Variants in FBXL5 observed in about 807,000 individuals in gnomAD.
FBXL5 encodes the protein F-box and leucine rich repeat protein 5.
In FBXL5, 26 loss-of-function variants were observed where a neutral mutation model predicts 78.3. That is an observed-to-expected ratio of 0.33 (90% CI 0.24 to 0.46). FBXL5 has a LOEUF of 0.46. Among genes scored for constraint, FBXL5 ranks in the 20% least tolerant of loss-of-function variants. The pLI is 1.00. For synonymous variants in FBXL5, 295 were observed against 282.5 expected, an observed-to-expected ratio of 1.04 and a Z score of -0.45; for missense variants, 710 against 829.2, an observed-to-expected ratio of 0.86 and a Z score of 1.77.
chr4:15,651,747 A>T (rs1244355904), intron 1 of FBXL5, among the ~76,000 whole-genome samples: 1 of 152,246 alleles, frequency 6.6e-6, no homozygotes, highest in East Asian at 1.9e-4. Context: ...AAAAGTAAAC[A>T]GCACTTTTAA....
chr4:15,625,262 G>A lies in FBXL5; in HGVS notation c.1840C>T (p.His614Tyr), dbSNP rs1299316183. 3.6e-5 allele frequency: 58 copies of A among 1,607,910 alleles called. No individual in the cohort carries two copies. Among genetic ancestry groups the A allele is most frequent in the Non-Finnish European group, 4.9e-5 (58 of 1,176,808 alleles). Residue 614 changes from histidine to tyrosine, a missense_variant, in exon 9 of 11, where the codon CAT becomes TAT. Physicochemically the swap from His to Tyr is moderately conservative, Grantham distance 83. Transcript: ENST00000341285. ...GAACTGATAACTCACCTGAGACCAT[G>A]GTCTGTGATCTGATAACATCCAGAT... ...SLSGCYQITD[H>Y]GLRVLTLGGG...
intron 5 of FBXL5, among the ~76,000 whole-genome samples, chr4:15,635,216 G>A (rs530790392): frequency 2.0e-5 from 3 of 151,394 alleles, no homozygotes; most frequent in South Asian, 4.2e-4. Flanking sequence ...GCCTGTAATC[G>A]CAGCTACTTG....
At chr4:15,616,059 G>A (rs972041320) in intron 9 of FBXL5, among the ~76,000 whole-genome samples, 45 of 151,240 alleles carry the variant, frequency 3.0e-4, no homozygotes, top group Non-Finnish European at 5.6e-4. Flanking sequence ...AACTCCAGAC[G>A]CGCTGCCTTA....
chr4:15,611,284 G>C (rs917955598), intron 10 of FBXL5, among the ~76,000 whole-genome samples: 7 of 151,862 alleles, frequency 4.6e-5, no homozygotes, highest in African/African-American at 1.7e-4. Flanking sequence ...TCGAGAAATA[G>C]CAGTTTTCTC....
At chr4:15,640,482 C>T (rs1468902675) in intron 3 of FBXL5, among the ~76,000 whole-genome samples, 1 of 149,862 alleles carries the variant, frequency 6.7e-6, no homozygotes, top group Non-Finnish European at 1.5e-5. Context: ...TCTAAAGGTT[C>T]TGAAAAGACA....
intron 1 of FBXL5, among the ~76,000 whole-genome samples, chr4:15,651,060 G>A (rs1056807031): frequency 3.3e-5 from 5 of 152,024 alleles, no homozygotes; most frequent in South Asian, 2.1e-4. Context: ...ATAAGAAAAC[G>A]GCATAACAAA....
At chr4:15,649,578 C>T (rs1271882329) in intron 1 of FBXL5, among the ~76,000 whole-genome samples, 1 of 81,354 alleles carries the variant, frequency 1.2e-5, no homozygotes, top group African/African-American at 4.4e-5. Context: ...GACTACGTCT[C>T]AAAAAAAAAA....
At chr4:15,644,763 TAAA>T (rs1167580365) in intron 1 of FBXL5, 55 bp from the exon 2 acceptor site, 35 of 1,284,538 alleles carry the variant, frequency 2.7e-5, no homozygotes, top group Non-Finnish European at 3.2e-5. Context: ...TATGCACAAA[TAAA>T]AAATATTCAA....
intron 1 of FBXL5, among the ~76,000 whole-genome samples, chr4:15,672,888 C>A (rs1717824646): frequency 1.3e-5 from 2 of 151,784 alleles, no homozygotes; most frequent in African/African-American, 4.8e-5. Flanking sequence ...TTTTTTATAT[C>A]CTTATTTTAT....
chr4:15,668,718 A>G (rs1266319789), intron 1 of FBXL5, among the ~76,000 whole-genome samples: 3 of 152,186 alleles, frequency 2.0e-5, no homozygotes, highest in Non-Finnish European at 2.9e-5. Context: ...TGACAAAGGA[A>G]AAAAATACAT....
rs887089363 is a variant in FBXL5 at position 15,605,643 on chromosome 4, C to G, written c.*80G>C. ...CACGCTCAAAAAGGGATGGTTAACA[C>G]AAGAAATGTGCTATGAGTAAAGTGC... On this transcript the variant is annotated 3_prime_UTR_variant, in exon 11 of 11. Transcript: ENST00000341285. 55 of 1,223,520 alleles carry G rather than the reference C, an allele frequency of 4.5e-5. No individual in the cohort carries two copies. Among genetic ancestry groups the G allele is most frequent in the Non-Finnish European group, 6.4e-5 (54 of 845,018 alleles). 75.8% of individuals were successfully genotyped at this position (1,223,520 alleles called of 1,614,324 possible). A position where few individuals can be genotyped will look rare whatever the true frequency, so the allele number is the denominator to read the frequency against.
chr4:15,656,193 T>C, upstream of FBXL5: 1 of 456,246 alleles, frequency 2.2e-6, no homozygotes, highest in Non-Finnish European at 4.4e-6. Context: ...CCCGCCATTT[T>C]AAGCGGAGGT....
intron 1 of FBXL5, among the ~76,000 whole-genome samples, chr4:15,679,547 G>T (rs1432257292): frequency 2.7e-5 from 4 of 145,658 alleles, no homozygotes; most frequent in Non-Finnish European, 6.0e-5. Context: ...ATATGCTAAA[G>T]GTACAGTTCA....
chr4:15,638,903 A>G (rs4698404), intron 3 of FBXL5, among the ~76,000 whole-genome samples: 97,644 of 152,042 alleles, frequency 0.64, 31,496 homozygotes, highest in Admixed American at 0.69. Context: ...GGTGGCTAAC[A>G]CCTGTAATCC....
In FBXL5 at chr4:15,641,071, G is replaced by GT. The variant is rs551390151; in HGVS notation, c.301-189dup. ...GTAAGCTTTGAATTACTTTAGTAAT[G>GT]TATGTAACCCCATATTTTTAAAATA... On this transcript the variant is annotated intron_variant, in intron 2 of 10. Transcript: ENST00000341285. Among the ~76,000 whole-genome samples, 158 of 152,150 alleles carry GT rather than the reference G, an allele frequency of 1.0e-3. 1 individual carries two copies. Among genetic ancestry groups the GT allele is most frequent in the African/African-American group, 3.7e-3 (153 of 41,544 alleles).
At chr4:15,629,428 C>A (rs1191940701) in intron 6 of FBXL5, among the ~76,000 whole-genome samples, 1 of 152,096 alleles carries the variant, frequency 6.6e-6, no homozygotes, top group African/African-American at 2.4e-5. Context: ...CTTAACTAAT[C>A]GCTCAATTTA....
At chr4:15,628,231 GAAAAGAAAATATGATATC>G (rs1385175578) in intron 6 of FBXL5, among the ~76,000 whole-genome samples, 198 bp from the exon 7 acceptor site, 1 of 152,050 alleles carries the variant, frequency 6.6e-6, no homozygotes, top group African/African-American at 2.4e-5. Context: ...GTTTTCAAGA[GAAAAGAAAATATGATATC>G]AAAAGAAAAA....
At chr4:15,637,901 T>TA (rs1560229220) in intron 4 of FBXL5, among the ~76,000 whole-genome samples, 5 of 135,998 alleles carry the variant, frequency 3.7e-5, no homozygotes, top group African/African-American at 1.3e-4. Context: ...ACTAGTTTTT[T>TA]TAAAAAAAAA....
chr4:15,675,458 TCTAA>T (rs1279533135), intron 1 of FBXL5, among the ~76,000 whole-genome samples: 5 of 151,976 alleles, frequency 3.3e-5, no homozygotes, highest in South Asian at 2.1e-4. Context: ...ATCTAACCCC[TCTAA>T]CTATTACTTT....
Sources: allele counts gnomAD v4.1 joint callset (sites outside exome capture counted in the v4.1 genomes callset), GRCh38; gene constraint gnomAD v4.1.1; transcripts MANE v1.5; gene names NCBI Gene and HGNC (gene_info 2026-07-23, HGNC 2026-07-21).